Variants in ZPLD1 observed in about 807,000 individuals in gnomAD.
The protein encoded by ZPLD1 is zona pellucida-like domain-containing protein 1.
A neutral mutation model predicts 47.2 loss-of-function variants in ZPLD1; 34 were observed. The observed-to-expected ratio is 0.72, with a 90% confidence interval of 0.55 to 0.96. ZPLD1 has a LOEUF of 0.96. Ranked by LOEUF, ZPLD1 falls within the 40% of genes least tolerant of loss-of-function variation. The pLI, the probability that ZPLD1 is intolerant of heterozygous loss-of-function variation, is 0.00. For missense variants in ZPLD1, 512 were observed against 505.8 expected, an observed-to-expected ratio of 1.01 and a Z score of -0.12; for synonymous variants, 176 against 186.2, an observed-to-expected ratio of 0.95 and a Z score of 0.45.
chr3:102,394,056 A>C (rs1706530865), intron 7 of ZPLD1, among the ~76,000 whole-genome samples: 1 of 152,190 alleles, frequency 6.6e-6, no homozygotes, highest in South Asian at 2.1e-4. Context: ...AATTGTTACA[A>C]AGTGAAAAAC....
At chr3:102,449,309 C>G (rs905978851) in intron 3 of ZPLD1, among the ~76,000 whole-genome samples, 3 of 152,212 alleles carry the variant, frequency 2.0e-5, no homozygotes, top group South Asian at 4.1e-4. Flanking sequence ...TAGCTCTCCA[C>G]GCAATCTTTC....
chr3:102,407,007 T>C (rs1201478326), intron 7 of ZPLD1, among the ~76,000 whole-genome samples: 1 of 151,888 alleles, frequency 6.6e-6, no homozygotes, highest in East Asian at 1.9e-4. Context: ...GGATGATGCT[T>C]AACAAGTTTA....
In ZPLD1 at chr3:102,436,678, C is replaced by G. The variant is rs1003404756; in HGVS notation, c.-122-182C>G. ...CAGTAATAATTGTAACCTCACCCAT[C>G]ATTATAAAAAATATAAATGAGCAGC... On this transcript the variant is annotated intron_variant, in intron 1 of 11. Transcript: ENST00000466937. Among the ~76,000 whole-genome samples the G allele has an allele frequency of 3.9e-5, 6 of 152,296 alleles. No individual in the cohort carries two copies. In the South Asian group the frequency reaches 1.2e-3, roughly 32 times the overall value.
intron 7 of ZPLD1, among the ~76,000 whole-genome samples, chr3:102,401,658 A>T (rs915832395): frequency 4.6e-5 from 7 of 152,104 alleles, no homozygotes; most frequent in African/African-American, 1.7e-4. Flanking sequence ...GATTTTGTCT[A>T]AATTTTAATT....
chr3:102,408,801 A>G (rs1706720024), intron 7 of ZPLD1, among the ~76,000 whole-genome samples: 1 of 151,826 alleles, frequency 6.6e-6, no homozygotes. Flanking sequence ...TGTCCTTTAA[A>G]TTTGTCACAA....
intron 1 of ZPLD1, among the ~76,000 whole-genome samples, chr3:102,436,154 T>C (rs889338063): frequency 6.6e-6 from 1 of 152,208 alleles, no homozygotes; most frequent in Admixed American, 6.5e-5. Flanking sequence ...CATGCCTTTT[T>C]GGGACAACCT....
intron 8 of ZPLD1, among the ~76,000 whole-genome samples, chr3:102,467,037 A>C (rs1310613637): frequency 6.6e-6 from 1 of 152,120 alleles, no homozygotes; most frequent in Non-Finnish European, 1.5e-5. Context: ...AAAGACATAG[A>C]AATAAAATTT....
chr3:102,395,634 T>C (rs1235697333), intron 7 of ZPLD1, among the ~76,000 whole-genome samples: 1 of 152,184 alleles, frequency 6.6e-6, no homozygotes, highest in Non-Finnish European at 1.5e-5. Flanking sequence ...AAGAACAAAT[T>C]TGTGTTGTTT....
chr3:102,464,056 A>G (rs1707552243), intron 7 of ZPLD1, 115 bp from the exon 8 acceptor site: 1 of 786,082 alleles, frequency 1.3e-6, no homozygotes, highest in African/African-American at 1.7e-5. Context: ...TCTCAAAAAA[A>G]GAAAAGAAAG....
chr3:102,414,216 A>G (rs1354409098), intron 7 of ZPLD1, among the ~76,000 whole-genome samples: 2 of 151,864 alleles, frequency 1.3e-5, no homozygotes, highest in East Asian at 1.9e-4. Context: ...CCACAATTCT[A>G]TAATGTGTAT....
At chr3:102,476,372 C>T (rs1255346854) in intron 10 of ZPLD1, among the ~76,000 whole-genome samples, 2 of 152,030 alleles carry the variant, frequency 1.3e-5, no homozygotes, top group Admixed American at 6.6e-5. Context: ...ATATGTTTAT[C>T]GCATCTATTA....
chr3:102,475,231 C>T (rs929020178), intron 10 of ZPLD1, among the ~76,000 whole-genome samples: 3 of 152,028 alleles, frequency 2.0e-5, no homozygotes, highest in Non-Finnish European at 4.4e-5. Flanking sequence ...TCCCCACACA[C>T]GGAGATTTTT....
chr3:102,442,364 A>G (rs1205322018), intron 3 of ZPLD1, among the ~76,000 whole-genome samples: 3 of 141,242 alleles, frequency 2.1e-5, no homozygotes, highest in African/African-American at 7.9e-5. Context: ...ACACACACAC[A>G]GTTACAATTT....
At chr3:102,449,784 A>G (rs959817249) in intron 3 of ZPLD1, among the ~76,000 whole-genome samples, 1 of 152,174 alleles carries the variant, frequency 6.6e-6, no homozygotes. Context: ...AGAACATACT[A>G]TATATGTTTC....
At chr3:102,476,960 TA>T in intron 10 of ZPLD1, 51 bp from the exon 11 acceptor site, 1 of 1,590,766 alleles carries the variant, frequency 6.3e-7, no homozygotes, top group Non-Finnish European at 8.6e-7. Flanking sequence ...TAAACAAAGG[TA>T]AATATTTGGA....
intron 7 of ZPLD1, among the ~76,000 whole-genome samples, chr3:102,397,317 G>C (rs1052612894): frequency 9.9e-5 from 15 of 152,102 alleles, no homozygotes; most frequent in South Asian, 2.1e-4. Flanking sequence ...CAATGGTCCT[G>C]TTTTTCTTGC....
chr3:102,438,311 C>T (rs1707121366), intron 2 of ZPLD1, among the ~76,000 whole-genome samples, 169 bp from the exon 3 acceptor site: 1 of 152,136 alleles, frequency 6.6e-6, no homozygotes, highest in South Asian at 2.1e-4. Context: ...ATGTTGTAAC[C>T]CAAATATCTG....
rs750945342 is a variant in ZPLD1, at chr3:102,468,948, G to A, written c.762-16G>A. On this transcript the variant is annotated splice_polypyrimidine_tract_variant and intron_variant, in intron 8 of 11. Coordinates refer to ENST00000466937, the MANE Select transcript of ZPLD1 (RefSeq NM_001329788.2). ...CTTTCCAGTGATGTCCTGTTTTCAC[G>A]TTCCCTAAAATTTAGCTGTGACAAG... The A allele has an allele frequency of 3.2e-5, 51 of 1,602,842 alleles. No individual in the cohort carries two copies. Among genetic ancestry groups the A allele is most frequent in the South Asian group, 2.7e-4 (24 of 88,986 alleles).
At chr3:102,456,424 G>A (rs756045137) in intron 5 of ZPLD1, 50 bp downstream of exon 5, 3 of 1,528,564 alleles carry the variant, frequency 2.0e-6, no homozygotes, top group East Asian at 2.3e-5. Flanking sequence ...TTTGCTTCAG[G>A]CATTTCGTAT....
Sources: allele counts gnomAD v4.1 joint callset (sites outside exome capture counted in the v4.1 genomes callset), GRCh38; gene constraint gnomAD v4.1.1; transcripts MANE v1.5; gene names NCBI Gene and HGNC (gene_info 2026-07-23, HGNC 2026-07-21).